The following TMEM132D variants were observed in gnomAD, a reference collection of about 807,000 sequenced individuals.
TMEM132D encodes transmembrane protein 132D.
In TMEM132D, 21 loss-of-function variants were observed where a neutral mutation model predicts 62.3. That is an observed-to-expected ratio of 0.34 (90% CI 0.24 to 0.49). The LOEUF is 0.49. Ranked by LOEUF, TMEM132D falls within the 20% of genes least tolerant of loss-of-function variation. The pLI is 0.99. For missense variants in TMEM132D, 1,346 were observed against 1,402.8 expected, an observed-to-expected ratio of 0.96 and a Z score of 0.65; for synonymous variants, 621 against 575.6, an observed-to-expected ratio of 1.08 and a Z score of -1.13.
chr12:129,351,574 A>G (rs375055314), intron 3 of TMEM132D, among the ~76,000 whole-genome samples: 1 of 152,326 alleles, frequency 6.6e-6, no homozygotes, highest in Non-Finnish European at 1.5e-5. Context: ...TTCACATAAG[A>G]TTACCCAGGC....
chr12:129,307,663 C>T lies in TMEM132D; in HGVS notation c.1299+29971G>A, dbSNP rs1881876863. The stretch of plus-strand genomic sequence containing the variant: ...TCTTTCCCTCAACACTCACATAACC[C>T]TGGAGGAACAAGTCTCCTGATCACT... On this transcript the variant is annotated intron_variant, in intron 4 of 8. Transcript: ENST00000422113. Among the ~76,000 whole-genome samples the T allele has an allele frequency of 2.0e-5, 3 of 152,212 alleles. No individual in the cohort carries two copies. In the Middle Eastern group the frequency reaches 0.01, roughly 518 times the overall value.
intron 4 of TMEM132D, among the ~76,000 whole-genome samples, chr12:129,217,457 G>A (rs1593299597): frequency 6.6e-6 from 1 of 152,176 alleles, no homozygotes; most frequent in African/African-American, 2.4e-5. Context: ...GTTAGAGGGG[G>A]CAAACATTCC....
intron 2 of TMEM132D, among the ~76,000 whole-genome samples, chr12:129,605,742 T>C (rs1220757877): frequency 6.6e-6 from 1 of 151,886 alleles, no homozygotes; most frequent in East Asian, 1.9e-4. Flanking sequence ...ATTTTTTCCA[T>C]TGTAAATTAA....
intron 1 of TMEM132D, among the ~76,000 whole-genome samples, chr12:129,770,017 G>A (rs894465860): frequency 6.6e-6 from 1 of 151,660 alleles, no homozygotes; most frequent in African/African-American, 2.4e-5. Context: ...TGGGGGTCTT[G>A]ATTTGTTGCT....
chr12:129,247,924 A>T (rs973917341), intron 4 of TMEM132D, among the ~76,000 whole-genome samples: 1 of 151,922 alleles, frequency 6.6e-6, no homozygotes, highest in Admixed American at 6.6e-5. Context: ...AAACTCGGGT[A>T]CTTGGAAGGC....
chr12:129,624,091 G>A (rs966571494), intron 2 of TMEM132D, among the ~76,000 whole-genome samples: 2 of 152,084 alleles, frequency 1.3e-5, no homozygotes, highest in Non-Finnish European at 2.9e-5. Context: ...CCCTGCCTTT[G>A]TTTATCTTGT....
chr12:129,755,562 G>T (rs1870142328), intron 1 of TMEM132D, among the ~76,000 whole-genome samples: 1 of 152,086 alleles, frequency 6.6e-6, no homozygotes, highest in African/African-American at 2.4e-5. Flanking sequence ...AAAGCAAATT[G>T]GTGCCACCAA....
chr12:129,485,690 GC>G (rs908745161), intron 3 of TMEM132D, among the ~76,000 whole-genome samples: 1 of 152,206 alleles, frequency 6.6e-6, no homozygotes, highest in Non-Finnish European at 1.5e-5. Flanking sequence ...ACAGGAACAT[GC>G]CCCTTTGTGT....
At chr12:129,554,192 C>G (rs934945049) in intron 2 of TMEM132D, among the ~76,000 whole-genome samples, 1 of 152,170 alleles carries the variant, frequency 6.6e-6, no homozygotes, top group Non-Finnish European at 1.5e-5. Context: ...TTTGGCCACA[C>G]CAAGCCAGGG....
At chr12:129,482,945 CTGTGTGTGTGTGTGTG>C (rs59346043) in intron 3 of TMEM132D, among the ~76,000 whole-genome samples, 1,814 of 144,288 alleles carry the variant, frequency 0.013, 39 homozygotes, top group African/African-American at 0.043. Flanking sequence ...CATATTTAAT[CTGTGTGTGTGTGTGTG>C]TGTGTGTGTG....
At chr12:129,343,857 G>A (rs1869596835) in intron 3 of TMEM132D, among the ~76,000 whole-genome samples, 1 of 152,140 alleles carries the variant, frequency 6.6e-6, no homozygotes. Context: ...CTTGAACACA[G>A]GAGGCAGAGG....
At chr12:129,832,035 CTTTTTTTTTT>C (rs71085577) in intron 1 of TMEM132D, among the ~76,000 whole-genome samples, 49,025 of 94,484 alleles carry the variant, frequency 0.52, 10,699 homozygotes, top group Middle Eastern at 0.62. Flanking sequence ...ATGCCCGGCT[CTTTTTTTTTT>C]TTTTTTTTTT....
intron 5 of TMEM132D, among the ~76,000 whole-genome samples, chr12:129,125,988 G>C (rs558760819): frequency 6.6e-6 from 1 of 152,156 alleles, no homozygotes; most frequent in Non-Finnish European, 1.5e-5. Flanking sequence ...CACATGGTCA[G>C]GCTGGAGAAC....
intron 1 of TMEM132D, among the ~76,000 whole-genome samples, chr12:129,792,475 T>G (rs1680915055): frequency 6.6e-6 from 1 of 152,244 alleles, no homozygotes; most frequent in African/African-American, 2.4e-5. Flanking sequence ...ACTGAGTATT[T>G]ATTCCATGGA....
chr12:129,660,780 C>A (rs1880218831), intron 2 of TMEM132D, among the ~76,000 whole-genome samples: 1 of 152,082 alleles, frequency 6.6e-6, no homozygotes, highest in Admixed American at 6.5e-5. Flanking sequence ...TGGGAAGAGG[C>A]ACACCTAAGG....
intron 4 of TMEM132D, among the ~76,000 whole-genome samples, chr12:129,325,114 G>A (rs1401287148): frequency 6.6e-6 from 1 of 152,130 alleles, no homozygotes; most frequent in Admixed American, 6.5e-5. Context: ...TTCAGGCCAG[G>A]TATCTGAATT....
intron 1 of TMEM132D, among the ~76,000 whole-genome samples, chr12:129,875,455 G>A (rs547157220): frequency 4.6e-5 from 7 of 152,178 alleles, no homozygotes; most frequent in Non-Finnish European, 7.3e-5. Context: ...GTAAGGGCCC[G>A]GCTCTGCGTT....
At chr12:129,189,553 C>G (rs1423031474) in intron 5 of TMEM132D, among the ~76,000 whole-genome samples, 3 of 152,090 alleles carry the variant, frequency 2.0e-5, no homozygotes, top group Non-Finnish European at 4.4e-5. Context: ...GCCCATAGCC[C>G]ACCGTGCATC....
At chr12:129,816,083 T>A (rs78217904) in intron 1 of TMEM132D, among the ~76,000 whole-genome samples, 2,205 of 152,322 alleles carry the variant, frequency 0.014, 58 homozygotes, top group African/African-American at 0.05. Context: ...GGTGTGCACT[T>A]GCCTGTCATT....
Sources: allele counts gnomAD v4.1 joint callset (sites outside exome capture counted in the v4.1 genomes callset), GRCh38; gene constraint gnomAD v4.1.1; transcripts MANE v1.5; gene names NCBI Gene and HGNC (gene_info 2026-07-23, HGNC 2026-07-21).